The following PREX2 variants were observed in gnomAD, a reference collection of about 807,000 sequenced individuals.
The protein encoded by PREX2 is phosphatidylinositol-3,4,5-trisphosphate dependent Rac exchange factor 2, also known as phosphatidylinositol 3,4,5-trisphosphate-dependent Rac exchanger 2 protein.
A neutral mutation model predicts 203.2 loss-of-function variants in PREX2; 107 were observed. That is an observed-to-expected ratio of 0.53 (90% confidence interval 0.45 to 0.62). The LOEUF is 0.62. PREX2 is among the 20% of genes least tolerant of loss of function. The probability of loss-of-function intolerance (pLI) is 0.00; values close to 1 mark genes in which losing one functional copy is unlikely to be tolerated. For missense variants in PREX2, 1,777 were observed against 1,955.9 expected (o/e 0.91, Z 1.72); for synonymous variants, 672 against 663.6 (o/e 1.01, Z -0.19).
intron 6 of PREX2, among the ~76,000 whole-genome samples, chr8:68,031,679 A>G (rs1020878512): frequency 1.3e-5 from 2 of 152,126 alleles, no homozygotes; most frequent in Non-Finnish European, 2.9e-5. Flanking sequence ...TTCCATTTCA[A>G]GTGTCCGGAG....
chr8:68,210,885 A>T (rs188009615), intron 37 of PREX2, among the ~76,000 whole-genome samples: 2 of 152,350 alleles, frequency 1.3e-5, no homozygotes. Context: ...AACAATATCC[A>T]CTTTAGGTAA....
intron 1 of PREX2, among the ~76,000 whole-genome samples, chr8:67,970,586 A>G (rs1805899868): frequency 6.6e-6 from 1 of 152,214 alleles, no homozygotes; most frequent in African/African-American, 2.4e-5. Flanking sequence ...AAATATACCA[A>G]ACATAACTTG....
chr8:68,155,249 CTT>C (rs1020372247), intron 34 of PREX2, among the ~76,000 whole-genome samples: 2 of 152,006 alleles, frequency 1.3e-5, no homozygotes, highest in African/African-American at 4.8e-5. Context: ...TCCTGGGCTC[CTT>C]CCCAGAAGCC....
At chr8:68,038,915 C>T (rs1053614392) in intron 7 of PREX2, among the ~76,000 whole-genome samples, 3 of 152,118 alleles carry the variant, frequency 2.0e-5, no homozygotes, top group African/African-American at 7.2e-5. Context: ...TGCCATTACA[C>T]CTGAGTCTCC....
At chr8:68,097,394 G>A (rs1810117884) in intron 22 of PREX2, among the ~76,000 whole-genome samples, 193 bp downstream of exon 22, 1 of 150,758 alleles carries the variant, frequency 6.6e-6, no homozygotes, top group Non-Finnish European at 1.5e-5. Context: ...GCGTGATCTC[G>A]GCTCACTGCA....
At chr8:67,976,002 C>T (rs972569040) in intron 1 of PREX2, among the ~76,000 whole-genome samples, 1 of 151,666 alleles carries the variant, frequency 6.6e-6, no homozygotes, top group South Asian at 2.1e-4. Context: ...AGGCGTGAGT[C>T]ACTATGCCTG....
chr8:68,215,036 T>C (rs1812806205), intron 37 of PREX2, among the ~76,000 whole-genome samples: 1 of 152,196 alleles, frequency 6.6e-6, no homozygotes, highest in Admixed American at 6.5e-5. Flanking sequence ...GATTTTTCTC[T>C]TAGGTATTGT....
intron 32 of PREX2, among the ~76,000 whole-genome samples, chr8:68,137,791 G>A (rs1811142614): frequency 6.6e-6 from 1 of 152,046 alleles, no homozygotes; most frequent in East Asian, 1.9e-4. Flanking sequence ...AAAACTATAT[G>A]CTATAAGAAT....
intron 37 of PREX2, among the ~76,000 whole-genome samples, chr8:68,215,800 A>T (rs1585870201): frequency 6.6e-6 from 1 of 152,062 alleles, no homozygotes; most frequent in African/African-American, 2.4e-5. Flanking sequence ...GCCTCCCAAA[A>T]TGCTGGGATT....
At chr8:68,153,780 C>T (rs191191716) in intron 34 of PREX2, among the ~76,000 whole-genome samples, 14 of 152,240 alleles carry the variant, frequency 9.2e-5, no homozygotes, top group Non-Finnish European at 1.9e-4. Context: ...CAACCCTATA[C>T]ATGTGACACA....
chr8:68,076,858 A>G (rs191559120), intron 14 of PREX2, among the ~76,000 whole-genome samples: 183 of 151,972 alleles, frequency 1.2e-3, no homozygotes, highest in African/African-American at 4.2e-3. Context: ...TTTTTTGGCA[A>G]AATAATGAAA....
chr8:68,029,845 T>C (rs1807828191), intron 5 of PREX2, among the ~76,000 whole-genome samples: 1 of 151,990 alleles, frequency 6.6e-6, no homozygotes, highest in South Asian at 2.1e-4. Context: ...AAAAAGACCC[T>C]CCAAATCCCC....
In PREX2 at chr8:68,025,867, A is replaced by G. The variant is rs190845084; in HGVS notation, c.442-1355A>G. ...TATGAATTGAGTTCGCAATCTATAC[A>G]GTACTAATACACAAGGCAATAAAAG... On this transcript the variant is annotated intron_variant, in intron 4 of 39. Coordinates refer to ENST00000288368, the MANE Select transcript of PREX2 (RefSeq NM_024870.4). 1.9e-3 allele frequency among the ~76,000 whole-genome samples: 292 copies of G among 152,256 alleles called. 5 individuals carry two copies. Among genetic ancestry groups the G allele is most frequent in the African/African-American group, 6.7e-3 (280 of 41,546 alleles).
At chr8:68,008,463 G>C (rs1177814125) in intron 1 of PREX2, among the ~76,000 whole-genome samples, 1 of 152,176 alleles carries the variant, frequency 6.6e-6, no homozygotes, top group East Asian at 1.9e-4. Context: ...TGGTGAGTCA[G>C]AAAGGGCCAT....
chr8:68,186,439 A>T (rs1048034916), intron 35 of PREX2, among the ~76,000 whole-genome samples: 3 of 152,222 alleles, frequency 2.0e-5, no homozygotes, highest in African/African-American at 4.8e-5. Context: ...TAAATGTTTT[A>T]AAAAATGTGT....
At chr8:68,107,991 T>G in intron 23 of PREX2, 118 bp from the exon 24 acceptor site, 2 of 641,702 alleles carry the variant, frequency 3.1e-6, no homozygotes, top group Non-Finnish European at 5.4e-6. Context: ...ATTTCACTCA[T>G]TCCAGTTGAC....
At chr8:68,161,115 GA>G (rs1240100986) in intron 35 of PREX2, among the ~76,000 whole-genome samples, 2 of 151,022 alleles carry the variant, frequency 1.3e-5, no homozygotes, top group Non-Finnish European at 3.0e-5. Flanking sequence ...TTGGGGGGGG[GA>G]CAGAGTCTCC....
intron 39 of PREX2, 49 bp downstream of exon 39, chr8:68,224,675 TTCCCCGGCAGTG>T (rs1563595180): frequency 1.4e-6 from 2 of 1,440,432 alleles, no homozygotes; most frequent in Admixed American, 1.7e-5. Flanking sequence ...TGCCAGCATT[TTCCCCGGCAGTG>T]TCCCTCCGCT....
At chr8:68,204,712 T>C (rs1812578456) in intron 37 of PREX2, among the ~76,000 whole-genome samples, 1 of 131,172 alleles carries the variant, frequency 7.6e-6, no homozygotes, top group African/African-American at 3.0e-5. Flanking sequence ...TGAGACACAG[T>C]CTAGCTCTGT....
Sources: gnomAD v4.1 joint callset for allele counts (sites outside exome capture counted in the v4.1 genomes callset) on GRCh38, gnomAD v4.1.1 for gene constraint, MANE v1.5 for transcripts, NCBI Gene and HGNC (gene_info 2026-07-23, HGNC 2026-07-21) for gene names.